The following TNIK variants were observed in gnomAD, a reference collection of about 807,000 sequenced individuals.
The protein encoded by TNIK is TRAF2 and NCK-interacting protein kinase.
A neutral mutation model predicts 191.3 loss-of-function variants in TNIK; 49 were observed. The observed-to-expected ratio is 0.26, with a 90% CI of 0.20 to 0.32. TNIK has a LOEUF of 0.32. Ranked by LOEUF, TNIK falls within the 10% of genes least tolerant of loss-of-function variation. The probability of loss-of-function intolerance (pLI) is 1.00; values close to 1 mark genes in which losing one functional copy is unlikely to be tolerated. For synonymous variants in TNIK, 594 were observed against 600.9 expected, an observed-to-expected ratio of 0.99 and a Z score of 0.17; for missense variants, 1,155 against 1,702.3, an observed-to-expected ratio of 0.68 and a Z score of 5.66.
Position 171,357,423 on chromosome 3 carries a change from G to C in TNIK, c.123+12197C>G, listed in dbSNP as rs148958148. 2.2e-3 allele frequency among the ~76,000 whole-genome samples: 340 copies of C among 151,918 alleles called. 1 individual carries two copies. The highest frequency in any genetic ancestry group is 7.3e-3 in the African/African-American group (301 of 41,390). ...TCTGCCTCAGCCTCCCGAGTAGCTG[G>C]GATTACAGGCCCAGACCACCACACT... On this transcript the variant is annotated intron_variant, in intron 2 of 32. Transcript: ENST00000436636.
At chr3:171,173,061 AG>A (rs1238305847) in intron 9 of TNIK, among the ~76,000 whole-genome samples, 10 of 152,046 alleles carry the variant, frequency 6.6e-5, no homozygotes, top group South Asian at 2.1e-4. Context: ...GGTCACAAAA[AG>A]GGGTGGTGTA....
At chr3:171,304,078 G>A (rs545656243) in intron 2 of TNIK, among the ~76,000 whole-genome samples, 1 of 152,068 alleles carries the variant, frequency 6.6e-6, no homozygotes, top group South Asian at 2.1e-4. Context: ...AAGGAACAGA[G>A]GTGAGAGGAA....
At chr3:171,289,846 G>A (rs542580505) in intron 2 of TNIK, among the ~76,000 whole-genome samples, 213 of 149,338 alleles carry the variant, frequency 1.4e-3, no homozygotes, top group African/African-American at 5.1e-3. Context: ...AGGTTGCAGT[G>A]AGCCGACATG....
intron 5 of TNIK, 99 bp from the exon 6 acceptor site, chr3:171,190,886 C>T: frequency 1.3e-6 from 1 of 769,178 alleles, no homozygotes; most frequent in South Asian, 2.0e-5. Context: ...TACACTCACC[C>T]AGACATACTT....
At chr3:171,363,041 A>G (rs552901591) in intron 2 of TNIK, among the ~76,000 whole-genome samples, 2 of 152,274 alleles carry the variant, frequency 1.3e-5, no homozygotes, top group African/African-American at 4.8e-5. Context: ...TGATTTTTAG[A>G]GCAGTGGTTT....
At chr3:171,244,466 C>G (rs1485252563) in intron 2 of TNIK, among the ~76,000 whole-genome samples, 1 of 152,108 alleles carries the variant, frequency 6.6e-6, no homozygotes, top group Non-Finnish European at 1.5e-5. Flanking sequence ...CTCAAACATA[C>G]TCACTTATTC....
At chr3:171,451,678 C>G (rs1255896081) in intron 1 of TNIK, among the ~76,000 whole-genome samples, 1 of 152,198 alleles carries the variant, frequency 6.6e-6, no homozygotes, top group Non-Finnish European at 1.5e-5. Context: ...AGAAAAAAAT[C>G]AGTGTGGCTA....
intron 2 of TNIK, among the ~76,000 whole-genome samples, chr3:171,264,306 A>T (rs1400941685): frequency 1.3e-5 from 2 of 151,540 alleles, no homozygotes; most frequent in Non-Finnish European, 2.9e-5. Flanking sequence ...GCATATAGAC[A>T]TTGCGTACCA....
In TNIK at chr3:171,130,879, A is replaced by ATTTTAT. The variant is rs1729145439; in HGVS notation, c.1609-2002_1609-2001insATAAAA. ...ATTTTTGGCTCTAAAATACACTGAT[A>ATTTTAT]GCTTTAAATGTACATTAAGGGACAG... On this transcript the variant is annotated intron_variant, in intron 15 of 32. Transcript: ENST00000436636. Among the ~76,000 whole-genome samples, 5 of 152,350 alleles carry ATTTTAT rather than the reference A, an allele frequency of 3.3e-5. No individual in the cohort carries two copies. The South Asian group carries it at 1.0e-3, about 32-fold the overall frequency.
intron 1 of TNIK, among the ~76,000 whole-genome samples, chr3:171,407,774 G>C (rs1485177899): frequency 6.6e-6 from 1 of 152,184 alleles, no homozygotes; most frequent in African/African-American, 2.4e-5. Context: ...CACTATGAAT[G>C]AAACACACAC....
At chr3:171,081,073 T>G (rs549745620) in intron 27 of TNIK, among the ~76,000 whole-genome samples, 1 of 152,208 alleles carries the variant, frequency 6.6e-6, no homozygotes, top group Non-Finnish European at 1.5e-5. Flanking sequence ...ATTTTCTGGT[T>G]GCATTCCCAC....
chr3:171,194,492 T>A, intron 5 of TNIK, 33 bp downstream of exon 5: 1 of 1,583,198 alleles, frequency 6.3e-7, no homozygotes, highest in Non-Finnish European at 8.7e-7. Context: ...TTGAAGACTT[T>A]GGGAGGTGGG....
chr3:171,277,158 C>T (rs879751304), intron 2 of TNIK, among the ~76,000 whole-genome samples: 8 of 152,162 alleles, frequency 5.3e-5, no homozygotes, highest in Non-Finnish European at 1.0e-4. Context: ...CACGTGGTGC[C>T]TTCAGCCATG....
intron 1 of TNIK, among the ~76,000 whole-genome samples, chr3:171,393,516 C>T (rs1719839993): frequency 6.6e-6 from 1 of 152,218 alleles, no homozygotes; most frequent in African/African-American, 2.4e-5. Context: ...CCTCTTGAAC[C>T]ATATGATGGA....
chr3:171,357,342 G>A (rs1559969098), intron 2 of TNIK, among the ~76,000 whole-genome samples: 1 of 150,606 alleles, frequency 6.6e-6, no homozygotes, highest in Non-Finnish European at 1.5e-5. Context: ...GCTGGAGTGT[G>A]CAGTGGCATG....
At position 171,161,348 on chromosome 3, in the gene TNIK, T is replaced by A; in HGVS notation, c.950-12A>T. The A allele has an allele frequency of 1.2e-6, 2 of 1,610,476 alleles. No homozygotes were observed. Among genetic ancestry groups the A allele is most frequent in the Non-Finnish European group, 1.7e-6 (2 of 1,177,780 alleles). On this transcript the variant is annotated splice_polypyrimidine_tract_variant and intron_variant, in intron 10 of 32. Coordinates refer to ENST00000436636, the MANE Select transcript of TNIK (RefSeq NM_015028.4). ...ATACTCTGTCTCATCTGAAGAAAGA[T>A]CCCAGCATGTTAGTGCACAAAAAGA...
At chr3:171,427,817 G>A (rs1272706761) in intron 1 of TNIK, among the ~76,000 whole-genome samples, 1 of 152,160 alleles carries the variant, frequency 6.6e-6, no homozygotes, top group African/African-American at 2.4e-5. Flanking sequence ...GCGCCATGGA[G>A]TTACAACTTA....
chr3:171,153,483 G>T (rs531731715), intron 12 of TNIK, among the ~76,000 whole-genome samples: 2 of 152,108 alleles, frequency 1.3e-5, no homozygotes, highest in East Asian at 1.9e-4. Context: ...CATCCTGCAT[G>T]GTCCACAGGC....
intron 28 of TNIK, among the ~76,000 whole-genome samples, chr3:171,076,343 T>C (rs1323251591): frequency 1.3e-5 from 2 of 152,184 alleles, no homozygotes; most frequent in Non-Finnish European, 2.9e-5. Flanking sequence ...ACTGAAGTTC[T>C]TTCTTTCTGA....
Sources: allele counts gnomAD v4.1 joint callset (sites outside exome capture counted in the v4.1 genomes callset), GRCh38; gene constraint gnomAD v4.1.1; transcripts MANE v1.5; gene names NCBI Gene and HGNC (gene_info 2026-07-23, HGNC 2026-07-21).